C8orf89: variants seen among roughly 807,000 people sequenced by gnomAD.
C8orf89 encodes chromosome 8 open reading frame 89.
In C8orf89, 14 loss-of-function variants were observed where a neutral mutation model predicts 15.8. The ratio of observed to expected loss-of-function variants is 0.89; its 90% CI spans 0.59 to 1.39. The LOEUF (loss-of-function observed/expected upper bound fraction) is 1.39, where lower values mean the gene tolerates loss of function less well. C8orf89 is among the 40% of genes most tolerant of loss of function. The pLI is 0.00. For missense variants in C8orf89, 181 were observed against 184.5 expected (o/e 0.98, Z 0.11); for synonymous variants, 55 against 62.2 (o/e 0.88, Z 0.54).
At chr8:73,280,704 T>TAC in the C8orf89 span, among the ~76,000 whole-genome samples, 1 of 150,796 alleles carries the variant, frequency 6.6e-6, no homozygotes, top group Non-Finnish European at 1.5e-5. Flanking sequence ...CACATACATA[T>TAC]ACATATATAT....
At chr8:73,249,381 CTT>C (rs970700091) in intron 3 of C8orf89, among the ~76,000 whole-genome samples, 2 of 151,886 alleles carry the variant, frequency 1.3e-5, no homozygotes, top group African/African-American at 4.8e-5. Flanking sequence ...CTGTGGTTTT[CTT>C]TTTTTGTTGT....
chr8:73,260,280 G>A (rs1337861768), upstream of C8orf89, among the ~76,000 whole-genome samples: 1 of 151,468 alleles, frequency 6.6e-6, no homozygotes, highest in Non-Finnish European at 1.5e-5. Flanking sequence ...GCAAACTATC[G>A]CAAGGACAAA....
the C8orf89 span, among the ~76,000 whole-genome samples, chr8:73,282,313 C>T: frequency 2.0e-5 from 3 of 152,086 alleles, no homozygotes; most frequent in Non-Finnish European, 2.9e-5. Context: ...TAAATTAAAT[C>T]CTTAGGAGAT....
the C8orf89 span, among the ~76,000 whole-genome samples, chr8:73,265,930 G>C: frequency 2.6e-5 from 4 of 152,208 alleles, no homozygotes; most frequent in South Asian, 8.3e-4. Flanking sequence ...CATTCAATAA[G>C]AGCTGTTCGT....
chr8:73,254,329 T>G (rs1039352321), intron 2 of C8orf89, among the ~76,000 whole-genome samples: 2 of 151,892 alleles, frequency 1.3e-5, no homozygotes, highest in African/African-American at 2.4e-5. Context: ...GCTGGATTCG[T>G]TTTGCCAGTA....
the C8orf89 span, among the ~76,000 whole-genome samples, chr8:73,274,495 A>G: frequency 1.3e-5 from 2 of 152,132 alleles, no homozygotes; most frequent in African/African-American, 4.8e-5. Context: ...TAAAAAATGC[A>G]TTGGTACAGA....
At chr8:73,272,603 C>G in the C8orf89 span, among the ~76,000 whole-genome samples, 24,956 of 151,794 alleles carry the variant, frequency 0.16, 2,346 homozygotes, top group Non-Finnish European at 0.21. Flanking sequence ...ATCCCTCCCC[C>G]CTCTCCCCAC....
At chr8:73,278,044 C>T in the C8orf89 span, 1 of 495,500 alleles carries the variant, frequency 2.0e-6, no homozygotes, top group East Asian at 4.5e-5. Context: ...GGAAGAAAGA[C>T]ATTTCTGCCT....
chr8:73,285,299 G>A, the C8orf89 span, among the ~76,000 whole-genome samples: 1 of 152,188 alleles, frequency 6.6e-6, no homozygotes, highest in Non-Finnish European at 1.5e-5. Flanking sequence ...CCAGAAGTAA[G>A]GGGTGCAGAA....
the C8orf89 span, among the ~76,000 whole-genome samples, chr8:73,279,943 G>A: frequency 3.3e-5 from 5 of 152,166 alleles, no homozygotes; most frequent in Admixed American, 1.3e-4. Context: ...GGAGATTCCC[G>A]TCCTGAGCCT....
chr8:73,258,858 T>C (rs1252812338), intron 1 of C8orf89, among the ~76,000 whole-genome samples: 1 of 152,074 alleles, frequency 6.6e-6, no homozygotes, highest in East Asian at 1.9e-4. Context: ...CTCTAACTAC[T>C]GGGCTCAAGC....
At chr8:73,274,917 C>T in the C8orf89 span, among the ~76,000 whole-genome samples, 1 of 151,996 alleles carries the variant, frequency 6.6e-6, no homozygotes, top group East Asian at 1.9e-4. Context: ...TATATCATAT[C>T]GATTATATGA....
At chr8:73,259,766 C>T (rs1245744679), upstream of C8orf89, among the ~76,000 whole-genome samples, 1 of 151,880 alleles carries the variant, frequency 6.6e-6, no homozygotes, top group Admixed American at 6.6e-5. Context: ...TTTTATGCTC[C>T]ATGGAAAATA....
chr8:73,242,215 A>C (rs1813022657), intron 3 of C8orf89, among the ~76,000 whole-genome samples: 1 of 152,228 alleles, frequency 6.6e-6, no homozygotes, highest in Non-Finnish European at 1.5e-5. Flanking sequence ...AAGAACCTAC[A>C]GAATGGGAGA....
the C8orf89 span, among the ~76,000 whole-genome samples, chr8:73,266,411 C>T: frequency 1.3e-5 from 2 of 152,174 alleles, no homozygotes; most frequent in African/African-American, 4.8e-5. Flanking sequence ...GAAAAGATGG[C>T]TGGAATATGA....
intron 2 of C8orf89, among the ~76,000 whole-genome samples, chr8:73,253,060 T>C (rs1813283118): frequency 6.6e-6 from 1 of 152,180 alleles, no homozygotes; most frequent in Admixed American, 6.5e-5. Flanking sequence ...GGAGAATTGC[T>C]TGAACCCGGG....
the C8orf89 span, among the ~76,000 whole-genome samples, chr8:73,272,987 C>T: frequency 6.6e-6 from 1 of 152,244 alleles, no homozygotes. Context: ...CCCTTAATCT[C>T]TCTCCTATAA....
Position 73,250,256 on chromosome 8 carries a change from G to T in C8orf89, c.337+12C>A, listed in dbSNP as rs560776728. The T allele has an allele frequency of 1.3e-6, 2 of 1,525,964 alleles. No individual in the cohort carries two copies. Among genetic ancestry groups the T allele is most frequent in the Admixed American group, 3.9e-5 (2 of 50,796 alleles). 94.5% of individuals were successfully genotyped at this position (1,525,964 alleles called of 1,614,324 possible). ...CAAGAGAGGTAGTAGAAAAAAGGAC[G>T]AGTCAGCTTACCTTTTGATTTCTCC... On this transcript the variant is annotated intron_variant, in intron 3 of 3. Transcript: ENST00000624510.
the C8orf89 span, among the ~76,000 whole-genome samples, chr8:73,275,266 T>C: frequency 1.4e-5 from 2 of 146,046 alleles, no homozygotes; most frequent in Non-Finnish European, 3.0e-5. Flanking sequence ...TGAGACATAG[T>C]CTTGCTGTCA....
Sources: allele counts gnomAD v4.1 joint callset (sites outside exome capture counted in the v4.1 genomes callset), GRCh38; gene constraint gnomAD v4.1.1; transcripts MANE v1.5; gene names NCBI Gene and HGNC (gene_info 2026-07-23, HGNC 2026-07-21).